ATP8A2: variants seen among roughly 807,000 people sequenced by gnomAD.
ATP8A2 encodes the protein phospholipid-transporting ATPase IB.
In ATP8A2, 100 loss-of-function variants were observed where a neutral mutation model predicts 165.6. The ratio of observed to expected loss-of-function variants is 0.60; its 90% CI spans 0.51 to 0.71. The LOEUF (loss-of-function observed/expected upper bound fraction) is 0.71, where lower values mean the gene tolerates loss of function less well. ATP8A2 is among the 30% of genes least tolerant of loss of function. The pLI is 0.00. For missense variants in ATP8A2, 1,227 were observed against 1,479.5 expected (o/e 0.83, Z 2.80); for synonymous variants, 543 against 548.8 (o/e 0.99, Z 0.15).
At chr13:25,834,252 C>T (rs1951550728) in intron 28 of ATP8A2, among the ~76,000 whole-genome samples, 1 of 152,036 alleles carries the variant, frequency 6.6e-6, no homozygotes, top group African/African-American at 2.4e-5. Context: ...ATTAAAAGAC[C>T]AATGTAACAA....
At chr13:25,430,844 C>T (rs1228816935) in intron 1 of ATP8A2, among the ~76,000 whole-genome samples, 2 of 152,094 alleles carry the variant, frequency 1.3e-5, no homozygotes, top group Admixed American at 6.5e-5. Context: ...ATGATCCACC[C>T]GCCTCGGCCT....
At chr13:25,919,939 A>C (rs1379328568) in intron 33 of ATP8A2, among the ~76,000 whole-genome samples, 1 of 152,064 alleles carries the variant, frequency 6.6e-6, no homozygotes, top group Non-Finnish European at 1.5e-5. Flanking sequence ...GACATGTACT[A>C]CAAGGCCTGG....
chr13:25,964,539 T>G (rs1355060999), intron 34 of ATP8A2, among the ~76,000 whole-genome samples: 1 of 152,362 alleles, frequency 6.6e-6, no homozygotes, highest in Admixed American at 6.5e-5. Context: ...CTTTCTGAAC[T>G]GCAGCTTTAG....
At chr13:25,713,848 C>T (rs556457334) in intron 25 of ATP8A2, among the ~76,000 whole-genome samples, 2 of 152,194 alleles carry the variant, frequency 1.3e-5, no homozygotes, top group African/African-American at 4.8e-5. Flanking sequence ...ATCAGCACAG[C>T]CCAGCACAAC....
At chr13:25,648,873 G>C (rs970696735) in intron 24 of ATP8A2, 3 of 385,616 alleles carry the variant, frequency 7.8e-6, no homozygotes, top group African/African-American at 6.3e-5. Context: ...TTCTTGATCT[G>C]CTGTTGGTTG....
At chr13:25,945,563 A>G (rs1359291895) in intron 33 of ATP8A2, among the ~76,000 whole-genome samples, 2 of 152,216 alleles carry the variant, frequency 1.3e-5, no homozygotes, top group Non-Finnish European at 2.9e-5. Flanking sequence ...ACATTTTTCT[A>G]TTAAAAAATA....
rs187796283 is a variant in ATP8A2 at position 25,380,898 on chromosome 13, T to A, written c.76+8610T>A. Among the ~76,000 whole-genome samples the A allele has an allele frequency of 1.7e-3, 265 of 152,252 alleles. 1 individual carries two copies. The highest frequency in any genetic ancestry group is 1.0e-2 in the South Asian group (48 of 4,816). On this transcript the variant is annotated intron_variant, in intron 1 of 36. Coordinates refer to ENST00000381655, the MANE Select transcript of ATP8A2 (RefSeq NM_016529.6). Reference sequence around the variant, plus strand: ...TGGATTCCCCAAGTATTAAAAAAAATTTGTTTTTCTTCCCTGCCCCCTCCC... The same window carrying A: ...TGGATTCCCCAAGTATTAAAAAAAAATTGTTTTTCTTCCCTGCCCCCTCCC...
chr13:25,538,308 GT>G (rs532630358), intron 7 of ATP8A2, among the ~76,000 whole-genome samples: 55 of 152,030 alleles, frequency 3.6e-4, no homozygotes, highest in African/African-American at 1.3e-3. Context: ...GCTATTTGGG[GT>G]TTTTTTCTTA....
intron 30 of ATP8A2, among the ~76,000 whole-genome samples, chr13:25,853,491 A>T (rs1031629475): frequency 6.6e-6 from 1 of 151,082 alleles, no homozygotes; most frequent in Non-Finnish European, 1.5e-5. Flanking sequence ...AACATGTTCT[A>T]TGTCCTCCCT....
intron 16 of ATP8A2, among the ~76,000 whole-genome samples, chr13:25,566,321 A>C (rs2039312043): frequency 6.6e-6 from 1 of 152,154 alleles, no homozygotes; most frequent in African/African-American, 2.4e-5. Flanking sequence ...AGATCCAGCT[A>C]CTAGGCTGAA....
At chr13:25,761,801 C>T (rs2044384802) in intron 25 of ATP8A2, among the ~76,000 whole-genome samples, 2 of 151,714 alleles carry the variant, frequency 1.3e-5, no homozygotes, top group Admixed American at 6.6e-5. Flanking sequence ...TTTATTAAGC[C>T]TTCAAAGTGC....
intron 35 of ATP8A2, among the ~76,000 whole-genome samples, chr13:26,002,578 A>C (rs1029613151): frequency 1.3e-4 from 20 of 150,088 alleles, no homozygotes; most frequent in East Asian, 5.9e-4. Flanking sequence ...AAAAAAAAAA[A>C]CTCACTCCTT....
At chr13:25,863,710 C>T (rs1468674421) in intron 33 of ATP8A2, 1 of 152,306 alleles carries the variant, frequency 6.6e-6, no homozygotes, top group African/African-American at 2.4e-5. Context: ...GGTAGCATTA[C>T]TTGCCATTTC....
chr13:25,910,650 C>G (rs560587953), intron 33 of ATP8A2, among the ~76,000 whole-genome samples: 4 of 152,248 alleles, frequency 2.6e-5, no homozygotes, highest in African/African-American at 9.6e-5. Flanking sequence ...GCTTAGATGT[C>G]TACTAGAACC....
chr13:25,639,401 G>T (rs1315594123), intron 24 of ATP8A2, among the ~76,000 whole-genome samples: 1 of 152,208 alleles, frequency 6.6e-6, no homozygotes, highest in Admixed American at 6.5e-5. Context: ...TAAAGGGATG[G>T]AGGAAGATCT....
intron 24 of ATP8A2, among the ~76,000 whole-genome samples, chr13:25,628,289 C>T (rs1367110173): frequency 1.3e-5 from 2 of 152,174 alleles, no homozygotes; most frequent in Non-Finnish European, 2.9e-5. Context: ...GGGAGCCATT[C>T]ATTCTCTTTA....
At chr13:25,811,503 T>C (rs78295590) in intron 27 of ATP8A2, among the ~76,000 whole-genome samples, 176 of 152,296 alleles carry the variant, frequency 1.2e-3, no homozygotes, top group African/African-American at 4.2e-3. Context: ...TGATTATCCT[T>C]GCCCCGGTTG....
chr13:25,905,063 C>G (rs557976725), intron 33 of ATP8A2, among the ~76,000 whole-genome samples: 1 of 152,056 alleles, frequency 6.6e-6, no homozygotes, highest in East Asian at 1.9e-4. Context: ...TGTGCCCAGC[C>G]TGGGCCCTTG....
At chr13:25,780,894 A>G (rs2044860332) in intron 27 of ATP8A2, among the ~76,000 whole-genome samples, 1 of 152,166 alleles carries the variant, frequency 6.6e-6, no homozygotes, top group African/African-American at 2.4e-5. Context: ...ACAGCCACCG[A>G]CCAGCACCAG....
Sources: gnomAD v4.1 joint callset for allele counts (sites outside exome capture counted in the v4.1 genomes callset) on GRCh38, gnomAD v4.1.1 for gene constraint, MANE v1.5 for transcripts, NCBI Gene and HGNC (gene_info 2026-07-23, HGNC 2026-07-21) for gene names.